The following CAMTA1 variants were observed in gnomAD, a reference collection of about 807,000 sequenced individuals.
CAMTA1 encodes calmodulin-binding transcription activator 1.
In CAMTA1, 27 loss-of-function variants were observed where a neutral mutation model predicts 170.9. The ratio of observed to expected loss-of-function variants is 0.16; its 90% confidence interval spans 0.12 to 0.22. The LOEUF (loss-of-function observed/expected upper bound fraction) is 0.22, where lower values mean the gene tolerates loss of function less well. Among genes scored for constraint, CAMTA1 ranks in the 10% least tolerant of loss-of-function variants. CAMTA1 has a pLI of 1.00. For missense variants in CAMTA1, 1,619 were observed against 2,217.2 expected, an observed-to-expected ratio of 0.73 and a Z score of 5.42; for synonymous variants, 833 against 891.5, an observed-to-expected ratio of 0.93 and a Z score of 1.17.
chr1:6,800,597 T>C (rs1643645084), intron 1 of CAMTA1, among the ~76,000 whole-genome samples: 1 of 152,208 alleles, frequency 6.6e-6, no homozygotes, highest in Non-Finnish European at 1.5e-5. Flanking sequence ...AGACTTTTTA[T>C]GTTTAAGGTA....
At chr1:7,492,747 GCACA>G (rs997548461) in intron 6 of CAMTA1, among the ~76,000 whole-genome samples, 1 of 97,582 alleles carries the variant, frequency 1.0e-5, no homozygotes. Context: ...ACACACGCGC[GCACA>G]CACACACAAA....
At chr1:7,347,243 T>C (rs1268862660) in intron 5 of CAMTA1, among the ~76,000 whole-genome samples, 2 of 152,158 alleles carry the variant, frequency 1.3e-5, no homozygotes, top group Non-Finnish European at 2.9e-5. Context: ...CTTTCCACAA[T>C]GAGGCCCGGA....
chr1:7,007,798 G>A lies in CAMTA1; in HGVS notation c.235-83506G>A, dbSNP rs776878230. On this transcript the variant is annotated intron_variant, in intron 3 of 22. Coordinates refer to ENST00000303635, the MANE Select transcript of CAMTA1 (RefSeq NM_015215.4). The surrounding 1 kb of genome is among the most constrained non-coding windows in gnomAD (Gnocchi z 4.5). ...CCGGGTCATCCACTCCTCCAGAAGA[G>A]AGGCCAGGGAGCATTCCATCAGCCC... Among the ~76,000 whole-genome samples the A allele has an allele frequency of 1.3e-5, 2 of 152,216 alleles. No individual in the cohort carries two copies. The highest frequency in any genetic ancestry group is 6.5e-5 in the Admixed American group (1 of 15,280).
chr1:7,512,380 C>A (rs2094213318), intron 6 of CAMTA1, among the ~76,000 whole-genome samples: 1 of 152,180 alleles, frequency 6.6e-6, no homozygotes, highest in Admixed American at 6.5e-5. Context: ...TGACAAGATG[C>A]AATTTCAAAT....
At chr1:7,219,150 G>A (rs922419926) in intron 4 of CAMTA1, among the ~76,000 whole-genome samples, 2 of 152,022 alleles carry the variant, frequency 1.3e-5, no homozygotes, top group Non-Finnish European at 2.9e-5. Flanking sequence ...TGTTTACACC[G>A]GCATCTGTTC....
intron 2 of CAMTA1, among the ~76,000 whole-genome samples, chr1:6,824,837 G>A (rs537068230): frequency 5.3e-5 from 8 of 152,060 alleles, no homozygotes; most frequent in Admixed American, 1.3e-4. Context: ...GGGCAGCTGC[G>A]GGGATTTTCC....
chr1:7,725,405 T>A (rs1467113932), intron 11 of CAMTA1, among the ~76,000 whole-genome samples: 1 of 152,210 alleles, frequency 6.6e-6, no homozygotes. Flanking sequence ...TGCAGGTGGC[T>A]GGGTTTTAAA....
intron 11 of CAMTA1, among the ~76,000 whole-genome samples, chr1:7,715,880 A>G (rs1339546544): frequency 6.6e-6 from 1 of 152,246 alleles, no homozygotes; most frequent in African/African-American, 2.4e-5. Flanking sequence ...ACTACTCGGA[A>G]GAAGCTTAAT....
rs61782773 is a variant in CAMTA1 at position 7,082,830 on chromosome 1, T to G, written c.235-8474T>G. On this transcript the variant is annotated intron_variant, in intron 3 of 22. Transcript: ENST00000303635. Reference sequence around the variant, plus strand: ...ACAACCCTTCCTTCTCTTCTCAGTATGGACACATCGTCCGTGCTGCTAATT... The same window carrying G: ...ACAACCCTTCCTTCTCTTCTCAGTAGGGACACATCGTCCGTGCTGCTAATT... 5.6e-3 allele frequency among the ~76,000 whole-genome samples: 860 copies of G among 152,348 alleles called. 5 individuals are homozygous for G. Among genetic ancestry groups the G allele is most frequent in the South Asian group, 0.023 (111 of 4,828 alleles).
intron 3 of CAMTA1, among the ~76,000 whole-genome samples, chr1:6,917,857 G>C (rs1292442678): frequency 1.4e-5 from 2 of 141,574 alleles, no homozygotes; most frequent in Non-Finnish European, 3.1e-5. Context: ...GGGGCGGGGG[G>C]GGACATCTAC....
At chr1:7,352,658 C>G (rs560909374) in intron 5 of CAMTA1, among the ~76,000 whole-genome samples, 1 of 152,234 alleles carries the variant, frequency 6.6e-6, no homozygotes, top group East Asian at 1.9e-4. Flanking sequence ...CTCCTGGCCT[C>G]AGCCCAGCAG....
chr1:7,613,890 A>T (rs2095540911), intron 6 of CAMTA1, among the ~76,000 whole-genome samples: 1 of 142,530 alleles, frequency 7.0e-6, no homozygotes, highest in African/African-American at 2.6e-5. Context: ...GGAGAGGGGC[A>T]GGCCGGACCT....
chr1:7,602,138 T>C (rs1207550023), intron 6 of CAMTA1, among the ~76,000 whole-genome samples: 3 of 120,302 alleles, frequency 2.5e-5, no homozygotes, highest in African/African-American at 3.7e-5. Context: ...CTTCCTTCCT[T>C]CCTTCCTCCC....
intron 1 of CAMTA1, among the ~76,000 whole-genome samples, chr1:6,819,322 A>G (rs982269604): frequency 6.6e-6 from 1 of 151,176 alleles, no homozygotes; most frequent in African/African-American, 2.4e-5. Context: ...TTAAAAAGTT[A>G]CCGTTGTGTA....
chr1:7,300,726 G>C lies in CAMTA1; in HGVS notation c.438+51100G>C, dbSNP rs905008412. ...TATTGATTAAAGCAGAACCCTGAAA[G>C]ATGGTGAATGATTGGCAGGCAATGA... On this transcript the variant is annotated intron_variant, in intron 5 of 22. Transcript: ENST00000303635. The surrounding 1 kb of genome is among the most constrained non-coding windows in gnomAD (Gnocchi z 4.1). Among the ~76,000 whole-genome samples the C allele has an allele frequency of 6.6e-6, 1 of 152,144 alleles. No homozygotes were observed. The highest frequency in any genetic ancestry group is 6.5e-5 in the Admixed American group (1 of 15,272).
intron 6 of CAMTA1, among the ~76,000 whole-genome samples, chr1:7,608,517 A>C (rs1191169121): frequency 6.6e-6 from 1 of 152,180 alleles, no homozygotes; most frequent in Non-Finnish European, 1.5e-5. Context: ...AGGACTGCAT[A>C]ACACCAGTGC....
chr1:6,926,088 A>C (rs1683026768), intron 3 of CAMTA1, among the ~76,000 whole-genome samples: 1 of 152,262 alleles, frequency 6.6e-6, no homozygotes, highest in Non-Finnish European at 1.5e-5. Context: ...GATTAAATCC[A>C]CAGGGCAAAG....
chr1:7,508,346 G>T (rs183919408), intron 6 of CAMTA1, among the ~76,000 whole-genome samples: 3 of 152,348 alleles, frequency 2.0e-5, no homozygotes, highest in East Asian at 3.9e-4. Flanking sequence ...GCCCCTGGAA[G>T]CTGGGACGTG....
intron 6 of CAMTA1, among the ~76,000 whole-genome samples, chr1:7,586,621 C>CA (rs1157601756): frequency 6.6e-6 from 1 of 152,164 alleles, no homozygotes; most frequent in African/African-American, 2.4e-5. Flanking sequence ...GCCCTCAGCT[C>CA]ACCAGCTGGG....
Sources: allele counts gnomAD v4.1 joint callset (sites outside exome capture counted in the v4.1 genomes callset), GRCh38; gene constraint gnomAD v4.1.1; non-coding constraint Gnocchi (gnomAD v3.1); transcripts MANE v1.5; gene names NCBI Gene and HGNC (gene_info 2026-07-23, HGNC 2026-07-21).